The following CAB39L variants were observed in gnomAD, a reference collection of about 807,000 sequenced individuals.
CAB39L encodes the protein calcium binding protein 39 like.
In CAB39L, 23 loss-of-function variants were observed where a neutral mutation model predicts 39.1. The ratio of observed to expected loss-of-function variants is 0.59; its 90% confidence interval spans 0.42 to 0.83. The LOEUF is 0.83. Ranked by LOEUF, CAB39L falls within the 40% of genes least tolerant of loss-of-function variation. CAB39L has a pLI of 0.00. For synonymous variants in CAB39L, 126 were observed against 137.2 expected, an observed-to-expected ratio of 0.92 and a Z score of 0.57; for missense variants, 366 against 391.9, an observed-to-expected ratio of 0.93 and a Z score of 0.56.
chr13:49,356,005 A>G (rs1311359316), intron 6 of CAB39L, among the ~76,000 whole-genome samples: 3 of 152,272 alleles, frequency 2.0e-5, no homozygotes, highest in Middle Eastern at 3.4e-3. Context: ...TTAGCCAATA[A>G]AAAATACAAA....
chr13:49,353,633 G>A (rs1955415021), intron 6 of CAB39L, among the ~76,000 whole-genome samples: 1 of 151,700 alleles, frequency 6.6e-6, no homozygotes, highest in Non-Finnish European at 1.5e-5. Context: ...CTACAATTCA[G>A]GATTATTCTT....
intron 3 of CAB39L, among the ~76,000 whole-genome samples, chr13:49,396,824 C>A (rs1956645225): frequency 6.6e-6 from 1 of 152,094 alleles, no homozygotes; most frequent in Non-Finnish European, 1.5e-5. Flanking sequence ...AAAAATTGTG[C>A]CTGTAAGATT....
chr13:49,400,452 ACAC>A (rs1956741820), intron 3 of CAB39L, among the ~76,000 whole-genome samples: 1 of 140,920 alleles, frequency 7.1e-6, no homozygotes, highest in Admixed American at 7.0e-5. Context: ...AAACACACAC[ACAC>A]ACACACACAC....
chr13:49,443,122 A>C (rs1957572800), intron 1 of CAB39L, among the ~76,000 whole-genome samples: 1 of 151,736 alleles, frequency 6.6e-6, no homozygotes, highest in African/African-American at 2.4e-5. Context: ...AACAAGGTTA[A>C]GTCCTGTCTT....
chr13:49,419,325 G>C (rs1161471314), intron 3 of CAB39L, among the ~76,000 whole-genome samples: 1 of 152,156 alleles, frequency 6.6e-6, no homozygotes, highest in African/African-American at 2.4e-5. Context: ...TTCTTCAAAA[G>C]CTTATTTTCC....
intron 5 of CAB39L, among the ~76,000 whole-genome samples, chr13:49,360,682 A>T (rs190816958): frequency 2.0e-5 from 3 of 152,266 alleles, no homozygotes; most frequent in African/African-American, 7.2e-5. Context: ...CTATGTGTGG[A>T]GGGCAGGACC....
intron 10 of CAB39L, among the ~76,000 whole-genome samples, chr13:49,314,596 A>C (rs1954100778): frequency 6.6e-6 from 1 of 152,188 alleles, no homozygotes; most frequent in Non-Finnish European, 1.5e-5. Flanking sequence ...CCTGAAGTAT[A>C]AGAGCTGTTA....
intron 3 of CAB39L, among the ~76,000 whole-genome samples, chr13:49,403,214 T>C (rs1052909482): frequency 3.3e-5 from 5 of 152,116 alleles, no homozygotes; most frequent in African/African-American, 4.8e-5. Context: ...TCTCATAATA[T>C]ACAGGAAACT....
At position 49,329,540 on chromosome 13, in the gene CAB39L, AAAAAATATAT is replaced by A. The variant is rs1285486095; in HGVS notation, c.834+2397_834+2406del. Among the ~76,000 whole-genome samples, 13 of 37,578 alleles carry A rather than the reference AAAAAATATAT, an allele frequency of 3.5e-4. 1 individual carries two copies. Among genetic ancestry groups the A allele is most frequent in the Non-Finnish European group, 5.3e-4 (12 of 22,584 alleles). 24.7% of individuals were successfully genotyped at this position (37,578 alleles called of 152,430 possible). The stretch of plus-strand genomic sequence containing the variant: ...TCCTACATATCTCTTCAATTAAAAA[AAAAAATATAT>A]ATATATATATATATATATATATATA... On this transcript the variant is annotated intron_variant, in intron 10 of 10. Transcript: ENST00000409308.
chr13:49,417,226 C>T (rs904399735), intron 3 of CAB39L, among the ~76,000 whole-genome samples: 5 of 152,202 alleles, frequency 3.3e-5, no homozygotes, highest in Non-Finnish European at 7.3e-5. Flanking sequence ...TTACATACCA[C>T]AAAATTTCAT....
At chr13:49,342,106 T>A (rs1955024631) in intron 8 of CAB39L, among the ~76,000 whole-genome samples, 2 of 152,206 alleles carry the variant, frequency 1.3e-5, no homozygotes, top group South Asian at 4.1e-4. Context: ...GATATACTAT[T>A]GATAGGCAGA....
intron 3 of CAB39L, among the ~76,000 whole-genome samples, chr13:49,417,260 T>C (rs1957100584): frequency 6.6e-6 from 1 of 152,226 alleles, no homozygotes; most frequent in African/African-American, 2.4e-5. Flanking sequence ...CAGCCAATGA[T>C]TTTAGGGGAT....
intron 4 of CAB39L, among the ~76,000 whole-genome samples, chr13:49,377,801 G>T: frequency 1.0e-5 from 1 of 95,436 alleles, no homozygotes; most frequent in Non-Finnish European, 2.1e-5. Flanking sequence ...TGCAGCCTCT[G>T]CCCGGCCGCC....
At chr13:49,436,181 G>A (rs535117791) in intron 1 of CAB39L, among the ~76,000 whole-genome samples, 182 of 152,268 alleles carry the variant, frequency 1.2e-3, no homozygotes, top group Non-Finnish European at 2.2e-3. Flanking sequence ...CTGTCTGGAA[G>A]CCCAGAGGAA....
rs532825827 is a variant in CAB39L, at chr13:49,413,150, T to C, written c.-32+20168A>G. The C allele has an allele frequency of 1.3e-5, 2 of 152,214 alleles. 1 individual carries two copies. Among genetic ancestry groups the C allele is most frequent in the African/African-American group, 4.8e-5 (2 of 41,532 alleles). The allele number at this position is 152,214 out of a possible 1,614,324, so 9.4% of individuals were successfully genotyped here. A position where few individuals can be genotyped will look rare whatever the true frequency, so the allele number is the denominator to read the frequency against. ...CAAAACAAAAAACCTTAGCTATCTA[T>C]ATAAAATCATTACACCTGAATACAA... On this transcript the variant is annotated intron_variant, in intron 3 of 10. Coordinates refer to ENST00000409308, the MANE Select transcript of CAB39L (RefSeq NM_001079670.3).
chr13:49,354,432 G>A (rs1367346655), intron 6 of CAB39L, among the ~76,000 whole-genome samples: 1 of 152,132 alleles, frequency 6.6e-6, no homozygotes, highest in Non-Finnish European at 1.5e-5. Flanking sequence ...ACTATTTAAA[G>A]AAGTGCTCCA....
At chr13:49,346,167 C>T (rs1313010410) in intron 7 of CAB39L, among the ~76,000 whole-genome samples, 3 of 120,720 alleles carry the variant, frequency 2.5e-5, no homozygotes, top group African/African-American at 6.3e-5. Context: ...CCCTCTCTCA[C>T]GCCCACATTT....
chr13:49,438,203 C>T (rs1305226838), intron 1 of CAB39L, among the ~76,000 whole-genome samples: 4 of 152,138 alleles, frequency 2.6e-5, no homozygotes, highest in Non-Finnish European at 5.9e-5. Context: ...CTGTCAGCTT[C>T]AAGGGCTTTT....
chr13:49,377,744 A>G (rs1956117949), intron 4 of CAB39L, among the ~76,000 whole-genome samples: 1 of 82,192 alleles, frequency 1.2e-5, no homozygotes. Context: ...GCTCACTACA[A>G]CCTACACCTC....
Sources: allele counts gnomAD v4.1 joint callset (sites outside exome capture counted in the v4.1 genomes callset), GRCh38; gene constraint gnomAD v4.1.1; transcripts MANE v1.5; gene names NCBI Gene and HGNC (gene_info 2026-07-23, HGNC 2026-07-21).